Variants in MYO3B observed in about 807,000 individuals in gnomAD.
MYO3B encodes the protein myosin-IIIb.
In MYO3B, 156 loss-of-function variants were observed where a neutral mutation model predicts 174.6. The ratio of observed to expected loss-of-function variants is 0.89; its 90% CI spans 0.78 to 1.02. MYO3B has a LOEUF of 1.02. Ranked by LOEUF, MYO3B falls within the 50% of genes least tolerant of loss-of-function variation. MYO3B has a pLI of 0.00. For synonymous variants in MYO3B, 563 were observed against 569.1 expected (o/e 0.99, Z 0.15); for missense variants, 1,632 against 1,639.4 (o/e 1.00, Z 0.08).
chr2:170,511,978 T>G (rs2106117199), intron 28 of MYO3B, among the ~76,000 whole-genome samples: 1 of 152,304 alleles, frequency 6.6e-6, no homozygotes, highest in African/African-American at 2.4e-5. Flanking sequence ...GAAGGGGAAT[T>G]CCCCAGACAA....
intron 6 of MYO3B, among the ~76,000 whole-genome samples, chr2:170,225,300 A>G (rs750949988): frequency 6.6e-6 from 1 of 152,370 alleles, no homozygotes; most frequent in Non-Finnish European, 1.5e-5. Flanking sequence ...ACAAGTTATT[A>G]GGTGATGCCA....
At chr2:170,196,863 A>T (rs1054252639) in intron 1 of MYO3B, among the ~76,000 whole-genome samples, 1 of 152,176 alleles carries the variant, frequency 6.6e-6, no homozygotes, top group Non-Finnish European at 1.5e-5. Flanking sequence ...CCAGGCTAGG[A>T]GAAGGAGAGG....
chr2:170,611,947 CT>C (rs1167893958), intron 32 of MYO3B, among the ~76,000 whole-genome samples: 1 of 152,138 alleles, frequency 6.6e-6, no homozygotes, highest in Non-Finnish European at 1.5e-5. Flanking sequence ...AAAAATGCTT[CT>C]CAAAAAATAG....
intron 32 of MYO3B, among the ~76,000 whole-genome samples, chr2:170,645,819 T>C (rs12474758): frequency 0.054 from 8,194 of 152,320 alleles, 280 homozygotes; most frequent in East Asian, 0.12. Flanking sequence ...TTATTTTGTA[T>C]TTTACTTCTT....
chr2:170,649,096 G>GTATATAAAATAATATATAA (rs1698685113), intron 32 of MYO3B, among the ~76,000 whole-genome samples: 3 of 46,720 alleles, frequency 6.4e-5, no homozygotes, highest in East Asian at 6.2e-4. Flanking sequence ...AATATATAAT[G>GTATATAAAATAATATATAA]TATATTATAT....
At chr2:170,483,447 C>G (rs376209841) in intron 25 of MYO3B, among the ~76,000 whole-genome samples, 2 of 102,230 alleles carry the variant, frequency 2.0e-5, no homozygotes, top group Non-Finnish European at 3.3e-5. Context: ...AGTGCAGTGG[C>G]GCGATCTCGG....
intron 6 of MYO3B, among the ~76,000 whole-genome samples, chr2:170,234,819 T>C (rs928729812): frequency 6.6e-6 from 1 of 152,214 alleles, no homozygotes; most frequent in Non-Finnish European, 1.5e-5. Flanking sequence ...TCCAGTTGGC[T>C]GTACATTCAA....
At position 170,601,911 on chromosome 2, in the gene MYO3B, G is replaced by T; in HGVS notation, c.3734-49717G>T. On this transcript the variant is annotated intron_variant, in intron 32 of 34. Transcript: ENST00000408978. Reference sequence around the variant, plus strand: ...CTTTGATTTTTGGGCAATACTCAGAGCAGAACAGCAAAAAGGCCGAAGGAG... The same window carrying T: ...CTTTGATTTTTGGGCAATACTCAGATCAGAACAGCAAAAAGGCCGAAGGAG... 5.9e-6 allele frequency: 5 copies of T among 842,742 alleles called. No individual in the cohort carries two copies. The South Asian group carries it at 7.9e-5, about 13-fold the overall frequency. 52.2% of individuals were successfully genotyped at this position (842,742 alleles called of 1,614,324 possible).
At chr2:170,592,695 A>G (rs548630524) in intron 32 of MYO3B, among the ~76,000 whole-genome samples, 3 of 152,220 alleles carry the variant, frequency 2.0e-5, no homozygotes, top group Admixed American at 6.5e-5. Context: ...GATCATGTAC[A>G]TTCTCTTTAG....
At chr2:170,446,578 ATAAT>A (rs749765523) in intron 23 of MYO3B, among the ~76,000 whole-genome samples, 76 of 152,316 alleles carry the variant, frequency 5.0e-4, no homozygotes, top group Middle Eastern at 3.4e-3. Context: ...GAAAATCCTA[ATAAT>A]TAAGGCATCA....
At chr2:170,647,217 ATT>A (rs1374632028) in intron 32 of MYO3B, among the ~76,000 whole-genome samples, 1 of 152,186 alleles carries the variant, frequency 6.6e-6, no homozygotes, top group East Asian at 1.9e-4. Context: ...AAACTAAACA[ATT>A]TGAGTCCAAC....
At position 170,336,141 on chromosome 2, in the gene MYO3B, C is replaced by A. The variant is rs557857372; in HGVS notation, c.815+691C>A. 1.1e-4 allele frequency among the ~76,000 whole-genome samples: 16 copies of A among 151,956 alleles called. No individual in the cohort carries two copies. In the South Asian group the frequency reaches 3.1e-3, roughly 30 times the overall value. On this transcript the variant is annotated intron_variant, in intron 8 of 34. Coordinates refer to ENST00000408978, the MANE Select transcript of MYO3B (RefSeq NM_138995.5). ...AAGTCTGAGAAAGATACTCAGACTA[C>A]TGGAGGAGGTTACAGGGCCCCAAGC...
At chr2:170,633,850 T>C (rs1697235740) in intron 32 of MYO3B, among the ~76,000 whole-genome samples, 1 of 152,138 alleles carries the variant, frequency 6.6e-6, no homozygotes, top group Non-Finnish European at 1.5e-5. Context: ...AAATCATGAG[T>C]GAACTCCCAT....
chr2:170,423,723 G>A (rs1237338941), intron 22 of MYO3B, among the ~76,000 whole-genome samples: 1 of 151,772 alleles, frequency 6.6e-6, no homozygotes, highest in African/African-American at 2.4e-5. Flanking sequence ...TGGGACTACA[G>A]GCGTGCACCA....
At chr2:170,427,301 G>A (rs1374246334) in intron 22 of MYO3B, among the ~76,000 whole-genome samples, 3 of 152,152 alleles carry the variant, frequency 2.0e-5, no homozygotes, top group African/African-American at 7.2e-5. Context: ...TGCATCGCAA[G>A]TCTGTCAGAT....
chr2:170,208,134 C>T (rs1321161686), intron 3 of MYO3B, among the ~76,000 whole-genome samples: 1 of 152,196 alleles, frequency 6.6e-6, no homozygotes, highest in African/African-American at 2.4e-5. Flanking sequence ...TGTGCTATGC[C>T]TTTTAACTTC....
intron 32 of MYO3B, among the ~76,000 whole-genome samples, chr2:170,563,176 A>C (rs1395727458): frequency 6.6e-6 from 1 of 151,958 alleles, no homozygotes; most frequent in African/African-American, 2.4e-5. Context: ...AATCAAACAG[A>C]ATCTCAGCAG....
At chr2:170,635,689 G>T (rs1026803786) in intron 32 of MYO3B, among the ~76,000 whole-genome samples, 3 of 152,014 alleles carry the variant, frequency 2.0e-5, no homozygotes, top group Non-Finnish European at 4.4e-5. Flanking sequence ...TCACATTATA[G>T]GGCATCTCTG....
At chr2:170,442,319 G>A (rs1432486897) in intron 22 of MYO3B, among the ~76,000 whole-genome samples, 1 of 152,140 alleles carries the variant, frequency 6.6e-6, no homozygotes, top group Middle Eastern at 3.4e-3. Flanking sequence ...ATAATAGCAG[G>A]TATGTAGAGC....
Sources: allele counts gnomAD v4.1 joint callset (sites outside exome capture counted in the v4.1 genomes callset), GRCh38; gene constraint gnomAD v4.1.1; transcripts MANE v1.5; gene names NCBI Gene and HGNC (gene_info 2026-07-23, HGNC 2026-07-21).